COL4A4: variants seen among roughly 807,000 people sequenced by gnomAD.
The protein encoded by COL4A4 is collagen type IV alpha 4 chain, also known as collagen alpha-4(IV) chain.
In COL4A4, 105 loss-of-function variants were observed where a neutral mutation model predicts 192.9. The ratio of observed to expected loss-of-function variants is 0.54; its 90% confidence interval spans 0.46 to 0.64. The LOEUF is 0.64. Ranked by LOEUF, COL4A4 falls within the 30% of genes least tolerant of loss-of-function variation. The pLI is 0.00. For missense variants in COL4A4, 1,967 were observed against 2,169.3 expected, an observed-to-expected ratio of 0.91 and a Z score of 1.85; for synonymous variants, 762 against 769.9, an observed-to-expected ratio of 0.99 and a Z score of 0.17.
At chr2:227,013,274 CTT>C (rs1559409414) in intron 44 of COL4A4, among the ~76,000 whole-genome samples, 1 of 152,132 alleles carries the variant, frequency 6.6e-6, no homozygotes, top group African/African-American at 2.4e-5. Context: ...CTCTTTCTCT[CTT>C]TCTCTCTCTG....
At chr2:227,091,433 A>C (rs1391000961) in intron 20 of COL4A4, among the ~76,000 whole-genome samples, 3 of 151,684 alleles carry the variant, frequency 2.0e-5, no homozygotes, top group Non-Finnish European at 4.4e-5. Context: ...AAAAAAAAAA[A>C]AAAAAGACAT....
chr2:227,095,576 C>G (rs2060167083), intron 19 of COL4A4, among the ~76,000 whole-genome samples: 2 of 152,196 alleles, frequency 1.3e-5, no homozygotes, highest in South Asian at 4.1e-4. Context: ...TCCTGCTCCC[C>G]TTGCTGCTGT....
intron 5 of COL4A4, chr2:227,120,683 A>G: frequency 3.3e-6 from 1 of 303,672 alleles, no homozygotes; most frequent in Admixed American, 4.4e-5. Context: ...AACGCCTGTA[A>G]TTACAGCATT....
intron 25 of COL4A4, among the ~76,000 whole-genome samples, chr2:227,067,266 T>C (rs1308447972): frequency 1.3e-5 from 2 of 152,038 alleles, no homozygotes; most frequent in Non-Finnish European, 2.9e-5. Context: ...ACATTAATAA[T>C]GGGAGACTTT....
At chr2:227,099,565 C>T in intron 18 of COL4A4, 55 bp downstream of exon 18, 1 of 1,517,800 alleles carries the variant, frequency 6.6e-7, no homozygotes, top group Admixed American at 1.7e-5. Context: ...TCTGTCCTGG[C>T]CACTCAACTC....
intron 9 of COL4A4, among the ~76,000 whole-genome samples, chr2:227,110,945 G>T (rs1189673204): frequency 1.3e-5 from 2 of 152,192 alleles, no homozygotes; most frequent in Non-Finnish European, 2.9e-5. Flanking sequence ...CTCCCAAAGT[G>T]CTGGGATTAC....
At chr2:227,159,311 A>T (rs1177563826) in intron 1 of COL4A4, among the ~76,000 whole-genome samples, 5 of 152,192 alleles carry the variant, frequency 3.3e-5, no homozygotes, top group African/African-American at 1.2e-4. Flanking sequence ...TGGTCTGAGG[A>T]TGGGGTTTGG....
chr2:227,072,077 A>C (rs889839045), intron 25 of COL4A4, among the ~76,000 whole-genome samples: 2 of 152,004 alleles, frequency 1.3e-5, no homozygotes, highest in African/African-American at 4.8e-5. Flanking sequence ...AACCAAAAAA[A>C]TATGAAAAAT....
rs1475579421 is a variant in COL4A4 at position 227,080,488 on chromosome 2, A to G, written c.1758T>C (p.His586=). The G allele has an allele frequency of 2.5e-6, 4 of 1,614,174 alleles. No individual in the cohort carries two copies. The highest frequency in any genetic ancestry group is 3.4e-6 in the Non-Finnish European group (4 of 1,180,034). The change falls in exon 24 of 48, where the codon CAT becomes CAC. Residue 586 remains histidine (H), a synonymous_variant. Transcript: ENST00000396625. The part of the protein sequence containing the change: ...PPGFPGQPGS[H]GRDGHAGEKG... Reference sequence around the variant, plus strand: ...TTTCTCCAGCATGTCCATCCCGACCATGTGATCCTGGCTGCCCTGGAAATC... The same window carrying G: ...TTTCTCCAGCATGTCCATCCCGACCGTGTGATCCTGGCTGCCCTGGAAATC...
intron 25 of COL4A4, among the ~76,000 whole-genome samples, chr2:227,071,142 T>C (rs1210124165): frequency 6.6e-6 from 1 of 152,018 alleles, no homozygotes; most frequent in African/African-American, 2.4e-5. Context: ...AATCCAAATA[T>C]CTGCTGTCTT....
At chr2:227,054,464 T>A (rs1974862748) in intron 31 of COL4A4, 130 bp downstream of exon 31, 1 of 996,654 alleles carries the variant, frequency 1.0e-6, no homozygotes, top group African/African-American at 1.6e-5. Flanking sequence ...CTAAAACAAA[T>A]ACCATAGAAC....
rs772451033 is a variant in COL4A4 at position 227,005,581 on chromosome 2, T to A, written c.*1744A>T. 1 of 152,240 alleles carries A rather than the reference T, an allele frequency of 6.6e-6. No individual in the cohort carries two copies. Among genetic ancestry groups the A allele is most frequent in the African/African-American group, 2.4e-5 (1 of 41,458 alleles). The allele number at this position is 152,240 out of a possible 1,614,324, so 9.4% of individuals were successfully genotyped here. A position where few individuals can be genotyped will look rare whatever the true frequency, so the allele number is the denominator to read the frequency against. ...TTTCATCTTAAAATACACATTTTTCTTTTTACCAGAAAATACTCTTAAAAT... is the reference window on the plus strand; with the variant it reads ...TTTCATCTTAAAATACACATTTTTCATTTTACCAGAAAATACTCTTAAAAT... On this transcript the variant is annotated 3_prime_UTR_variant, in exon 48 of 48. Transcript: ENST00000396625.
At chr2:227,033,261 A>G in intron 38 of COL4A4, 149 bp downstream of exon 38, 1 of 668,724 alleles carries the variant, frequency 1.5e-6, no homozygotes, top group East Asian at 2.7e-5. Context: ...CACTAAAAAT[A>G]GCTCCAATAG....
chr2:227,098,768 C>T lies in COL4A4; in HGVS notation c.1130G>A (p.Arg377His), dbSNP rs762117485. The part of the protein sequence containing the change: ...GPPGDPGFPG[R>H]YGETGDVGPP... ...TCCAACATCCCCTGTTTCTCCATAG[C>T]GGCCAGGGAACCCTGGGTCCCCTGG... Residue 377 changes from arginine (R) to histidine (H), a missense_variant, in exon 19 of 48, where the codon CGC becomes CAC. Physicochemically the swap from Arg to His is conservative, Grantham distance 29. Coordinates refer to ENST00000396625, the MANE Select transcript of COL4A4 (RefSeq NM_000092.5). 54 of 1,613,894 alleles carry T rather than the reference C, an allele frequency of 3.3e-5. No homozygotes were observed. The highest frequency in any genetic ancestry group is 1.6e-4 in the Middle Eastern group (1 of 6,084).
intron 4 of COL4A4, among the ~76,000 whole-genome samples, chr2:227,135,017 C>G (rs1277719433): frequency 1.3e-5 from 2 of 152,146 alleles, no homozygotes; most frequent in African/African-American, 4.8e-5. Context: ...AAGGAGCCCA[C>G]CAGTAAACAC....
In COL4A4 at chr2:227,050,893, G is replaced by A. The variant is rs903462854; in HGVS notation, c.3150+84C>T. The stretch of plus-strand genomic sequence containing the variant: ...CCAGTGAAAGGGCAATGGTATATAC[G>A]CTGGCAAATTATAGCTCCTTACGGA... On this transcript the variant is annotated intron_variant, in intron 33 of 47. Coordinates refer to ENST00000396625, the MANE Select transcript of COL4A4 (RefSeq NM_000092.5). 2.0e-5 allele frequency: 31 copies of A among 1,526,214 alleles called. No individual in the cohort carries two copies. In the Middle Eastern group the frequency reaches 1.1e-3, roughly 54 times the overall value. The allele number at this position is 1,526,214 out of a possible 1,614,324, so 94.5% of individuals were successfully genotyped here. A position where few individuals can be genotyped will look rare whatever the true frequency, so the allele number is the denominator to read the frequency against.
chr2:227,096,322 C>T (rs1441143785), intron 19 of COL4A4, among the ~76,000 whole-genome samples: 2 of 152,160 alleles, frequency 1.3e-5, no homozygotes, highest in Non-Finnish European at 2.9e-5. Flanking sequence ...TCTTAAACTG[C>T]AGAAAGAGTG....
At chr2:227,012,622 T>C (rs563536284) in intron 44 of COL4A4, among the ~76,000 whole-genome samples, 3 of 128,210 alleles carry the variant, frequency 2.3e-5, no homozygotes, top group Admixed American at 8.5e-5. Context: ...AGTCTTCATA[T>C]ATTTGACTTC....
At chr2:227,084,934 C>G (rs966818794) in intron 22 of COL4A4, among the ~76,000 whole-genome samples, 3 of 152,062 alleles carry the variant, frequency 2.0e-5, no homozygotes, top group African/African-American at 7.2e-5. Flanking sequence ...GAGTTCAAGA[C>G]CAGCCTGACC....
Sources: allele counts gnomAD v4.1 joint callset (sites outside exome capture counted in the v4.1 genomes callset), GRCh38; gene constraint gnomAD v4.1.1; transcripts MANE v1.5; gene names NCBI Gene and HGNC (gene_info 2026-07-23, HGNC 2026-07-21).